Variants in SLC5A4 observed in about 807,000 individuals in gnomAD.
SLC5A4 encodes solute carrier family 5 member 4, also known as probable glucose sensor protein SLC5A4.
SLC5A4 carries 55 observed loss-of-function variants against 70.3 expected under a neutral mutation model. The observed-to-expected ratio is 0.78, with a 90% CI of 0.63 to 0.98. The LOEUF is 0.98. Ranked by LOEUF, SLC5A4 falls within the 50% of genes least tolerant of loss-of-function variation. SLC5A4 has a pLI of 0.00. For missense variants in SLC5A4, 735 were observed against 839.2 expected, an observed-to-expected ratio of 0.88 and a Z score of 1.53; for synonymous variants, 268 against 305.7, an observed-to-expected ratio of 0.88 and a Z score of 1.29.
chr22:32,261,675 C>A, the SLC5A4 span, among the ~76,000 whole-genome samples: 1 of 152,266 alleles, frequency 6.6e-6, no homozygotes, highest in Non-Finnish European at 1.5e-5. Flanking sequence ...CCCAAAGCAG[C>A]AAAGCCAAGG....
intron 5 of SLC5A4, among the ~76,000 whole-genome samples, chr22:32,243,526 C>T (rs950175869): frequency 6.6e-6 from 1 of 152,144 alleles, no homozygotes; most frequent in Non-Finnish European, 1.5e-5. Context: ...GAAATTATCC[C>T]TGCTCCTAGG....
chr22:32,342,578 T>C, the SLC5A4 span, among the ~76,000 whole-genome samples: 5 of 152,332 alleles, frequency 3.3e-5, no homozygotes, highest in East Asian at 5.8e-4. Context: ...CTACTTCATA[T>C]AAAATTAATT....
chr22:32,231,083 A>G lies in SLC5A4; in HGVS notation c.1022-8T>C. Reference sequence around the variant, plus strand: ...CCACACATGCTACCATATCTGGGGAAGAATTCAGAAGTGAGTCCAATGAGG... The same window carrying G: ...CCACACATGCTACCATATCTGGGGAGGAATTCAGAAGTGAGTCCAATGAGG... On this transcript the variant is annotated splice_polypyrimidine_tract_variant and splice_region_variant and intron_variant, in intron 9 of 14. Transcript: ENST00000266086. 6.3e-7 allele frequency: 1 copy of G among 1,580,330 alleles called. No homozygotes were observed. The highest frequency in any genetic ancestry group is 8.7e-7 in the Non-Finnish European group (1 of 1,149,438).
At chr22:32,281,119 A>G in the SLC5A4 span, among the ~76,000 whole-genome samples, 1 of 152,160 alleles carries the variant, frequency 6.6e-6, no homozygotes, top group African/African-American at 2.4e-5. Context: ...ATTTCTAACA[A>G]GAGCCCGTCT....
chr22:32,333,475 C>T, the SLC5A4 span, among the ~76,000 whole-genome samples: 1 of 152,148 alleles, frequency 6.6e-6, no homozygotes, highest in Non-Finnish European at 1.5e-5. Context: ...CCAGTCCTGG[C>T]CTGGGGCCCA....
chr22:32,239,103 C>T lies in SLC5A4; in HGVS notation c.478-13G>A. On this transcript the variant is annotated splice_polypyrimidine_tract_variant and intron_variant, in intron 5 of 14. Coordinates refer to ENST00000266086, the MANE Select transcript of SLC5A4 (RefSeq NM_014227.3). ...CAAATATGTCTGCCTAAAAAGGGAACAGTCAGGATGAGAAAGAAACATGCA... is the reference window on the plus strand; with the variant it reads ...CAAATATGTCTGCCTAAAAAGGGAATAGTCAGGATGAGAAAGAAACATGCA... 1 of 1,597,596 alleles carries T rather than the reference C, an allele frequency of 6.3e-7. No homozygotes were observed. Among genetic ancestry groups the T allele is most frequent in the South Asian group, 1.1e-5 (1 of 90,572 alleles).
chr22:32,271,335 C>T, the SLC5A4 span: 2 of 737,288 alleles, frequency 2.7e-6, no homozygotes, highest in Admixed American at 2.0e-5. Flanking sequence ...AGCTGCCTCT[C>T]TCGTCAAGGA....
chr22:32,320,061 C>T, the SLC5A4 span, among the ~76,000 whole-genome samples: 1 of 152,146 alleles, frequency 6.6e-6, no homozygotes. Context: ...TCTAAACAGA[C>T]CAGTTGCCAA....
the SLC5A4 span, among the ~76,000 whole-genome samples, chr22:32,262,869 A>G: frequency 2.0e-5 from 3 of 151,692 alleles, no homozygotes; most frequent in Non-Finnish European, 4.4e-5. Context: ...TCCCAGGTTC[A>G]TGCCATTCTC....
the SLC5A4 span, among the ~76,000 whole-genome samples, chr22:32,353,397 T>A: frequency 6.6e-6 from 1 of 151,898 alleles, no homozygotes; most frequent in Non-Finnish European, 1.5e-5. Context: ...CCGCAACACA[T>A]AGAGGGCGCG....
chr22:32,272,990 C>T, the SLC5A4 span: 31 of 541,156 alleles, frequency 5.7e-5, 1 homozygote, highest in South Asian at 4.7e-4. Context: ...CGGGGAGCTG[C>T]TCAACCGCTA....
the SLC5A4 span, among the ~76,000 whole-genome samples, chr22:32,326,542 A>ACTGTGCC: frequency 6.6e-6 from 1 of 152,104 alleles, no homozygotes; most frequent in South Asian, 2.1e-4. Flanking sequence ...GACATGAGCC[A>ACTGTGCC]CTGTGCCCGG....
At chr22:32,285,717 A>ATTTTC in the SLC5A4 span, among the ~76,000 whole-genome samples, 1 of 79,878 alleles carries the variant, frequency 1.3e-5, no homozygotes, top group Non-Finnish European at 2.7e-5. Flanking sequence ...TTTTATTTTT[A>ATTTTC]TTTTATTTTA....
chr22:32,341,701 G>A, the SLC5A4 span, among the ~76,000 whole-genome samples: 1 of 152,154 alleles, frequency 6.6e-6, no homozygotes, highest in South Asian at 2.1e-4. Context: ...GGCCTAAATG[G>A]CCCCTTATGT....
At chr22:32,287,551 T>C in the SLC5A4 span, among the ~76,000 whole-genome samples, 8 of 152,086 alleles carry the variant, frequency 5.3e-5, no homozygotes, top group African/African-American at 9.7e-5. Context: ...TTCTAGTTTA[T>C]AACTCTCCAG....
the SLC5A4 span, among the ~76,000 whole-genome samples, chr22:32,317,098 T>G: frequency 4.0e-5 from 6 of 151,260 alleles, no homozygotes; most frequent in East Asian, 5.8e-4. Context: ...ATACTAGAAT[T>G]TGAAAATACT....
the SLC5A4 span, among the ~76,000 whole-genome samples, chr22:32,302,704 C>T: frequency 1.3e-5 from 2 of 152,184 alleles, no homozygotes; most frequent in South Asian, 2.1e-4. Context: ...AACAAAACTA[C>T]GTAGACTTGA....
the SLC5A4 span, among the ~76,000 whole-genome samples, chr22:32,309,782 AGAAG>A: frequency 6.6e-6 from 1 of 152,024 alleles, no homozygotes; most frequent in African/African-American, 2.4e-5. Flanking sequence ...TTGACAGATA[AGAAG>A]CAGAGGCTCT....
At chr22:32,303,389 CACAATCTACAT>C in the SLC5A4 span, among the ~76,000 whole-genome samples, 21 of 152,220 alleles carry the variant, frequency 1.4e-4, no homozygotes, top group Non-Finnish European at 2.9e-4. Context: ...TCACCAAAAA[CACAATCTACAT>C]GTGGGGTGGC....
Sources: gnomAD v4.1 joint callset for allele counts (sites outside exome capture counted in the v4.1 genomes callset) on GRCh38, gnomAD v4.1.1 for gene constraint, MANE v1.5 for transcripts, NCBI Gene and HGNC (gene_info 2026-07-23, HGNC 2026-07-21) for gene names.